The following ZNF264 variants were observed in gnomAD, a reference collection of about 807,000 sequenced individuals.
ZNF264 encodes zinc finger protein 264.
In ZNF264, 11 loss-of-function variants were observed where a neutral mutation model predicts 11.2. The ratio of observed to expected loss-of-function variants is 0.98; its 90% CI spans 0.62 to 1.63. The LOEUF is 1.63. ZNF264 is among the 40% of genes most tolerant of loss of function. ZNF264 has a pLI of 0.00. For missense variants in ZNF264, 752 were observed against 768.1 expected (o/e 0.98, Z 0.25); for synonymous variants, 309 against 279.8 (o/e 1.10, Z -1.04).
At chr19:57,201,340 G>T (rs2087251989) in intron 2 of ZNF264, among the ~76,000 whole-genome samples, 1 of 151,926 alleles carries the variant, frequency 6.6e-6, no homozygotes, top group African/African-American at 2.4e-5. Context: ...GAGGTTTGAT[G>T]CCTCCAGGCA....
In ZNF264 at chr19:57,222,250, G is replaced by A. The variant is rs2058081; in HGVS notation, c.*9269G>A. On this transcript the variant is annotated 3_prime_UTR_variant, in exon 4 of 4. Transcript: ENST00000263095. Reference sequence around the variant, plus strand: ...TAGTCCTAGCTACTTGGGAGGCTGAGGCAGGAAAATCGCTTGAACCTGGGA... The same window carrying A: ...TAGTCCTAGCTACTTGGGAGGCTGAAGCAGGAAAATCGCTTGAACCTGGGA... The A allele has an allele frequency of 0.33, 50,091 of 150,842 alleles. 8,898 individuals are homozygous for A. Among genetic ancestry groups the A allele is most frequent in the African/African-American group, 0.46 (18,747 of 40,910 alleles). 9.3% of individuals were successfully genotyped at this position (150,842 alleles called of 1,614,324 possible).
rs757072233 is a variant in ZNF264, at chr19:57,203,195, G to T, written c.161-2202G>T. On this transcript the variant is annotated intron_variant, in intron 2 of 3. Transcript: ENST00000263095. ...TTGAGTAATTTCAGTGAGGTTTGGG[G>T]CATAGGGACTATCTCTAGTTGTCTG... Among the ~76,000 whole-genome samples, 11 of 152,280 alleles carry T rather than the reference G, an allele frequency of 7.2e-5. No homozygotes were observed. The South Asian group carries it at 8.3e-4, about 11-fold the overall frequency.
In ZNF264 at chr19:57,212,961, C is replaced by T; in HGVS notation, c.1864C>T (p.Pro622Ser). 1 of 1,609,652 alleles carries T rather than the reference C, an allele frequency of 6.2e-7. No homozygotes were observed. Among genetic ancestry groups the T allele is most frequent in the Non-Finnish European group, 8.5e-7 (1 of 1,176,952 alleles). The change falls in exon 4 of 4, where the codon CCA (proline) becomes TCA (serine). Residue 622 changes from proline (P) to serine (S), a missense_variant. Coordinates refer to ENST00000263095, the MANE Select transcript of ZNF264 (RefSeq NM_003417.5). ...TGATCAACCATACCAAAGAGAAACC[C>T]CACAAGTGTCTTCACTGTGAGAAAA... Reference protein sequence around the residue: ...ASDQPYQRETPQVSSL With the variant: ...ASDQPYQRETSQVSSL
At position 57,219,537 on chromosome 19, in the gene ZNF264, A is replaced by G. The variant is rs982599657; in HGVS notation, c.*6556A>G. ...GGACAGCTACAGGAGGGCTTCCATC[A>G]TTTGTCCTCTTACTTCCTTGTTAGA... On this transcript the variant is annotated 3_prime_UTR_variant, in exon 4 of 4. Coordinates refer to ENST00000263095, the MANE Select transcript of ZNF264 (RefSeq NM_003417.5). The G allele has an allele frequency of 6.6e-6, 1 of 152,100 alleles. No individual in the cohort carries two copies. The highest frequency in any genetic ancestry group is 2.4e-5 in the African/African-American group (1 of 41,352). 9.4% of individuals were successfully genotyped at this position (152,100 alleles called of 1,614,324 possible).
chr19:57,212,882 G>A lies in ZNF264; in HGVS notation c.1785G>A (p.Leu595=), dbSNP rs1462723262. 1 of 1,614,182 alleles carries A rather than the reference G, an allele frequency of 6.2e-7. No homozygotes were observed. Among genetic ancestry groups the A allele is most frequent in the South Asian group, 1.1e-5 (1 of 91,074 alleles). The change falls in exon 4 of 4, where the codon TTG becomes TTA. Residue 595 remains leucine (L), a synonymous_variant. Coordinates refer to ENST00000263095, the MANE Select transcript of ZNF264 (RefSeq NM_003417.5). ...LRELLLGKDF[L]NVTTEANILP... ...AACTTCTTTTAGGGAAGGACTTTTT[G>A]AATGTAACCACTGAGGCAAATATTT...
intron 1 of ZNF264, chr19:57,192,639 TC>T (rs1161177798): frequency 2.2e-6 from 2 of 922,020 alleles, no homozygotes; most frequent in Non-Finnish European, 2.6e-6. Context: ...GGGAAGCTGG[TC>T]TGGAGCCTGT....
chr19:57,193,406 AT>A, intron 1 of ZNF264: 1 of 641,810 alleles, frequency 1.6e-6, no homozygotes, highest in African/African-American at 2.0e-5. Flanking sequence ...GAGAAATGAA[AT>A]GCTGTCTTTG....
chr19:57,211,245 C>T, intron 3 of ZNF264, 109 bp from the exon 4 acceptor site: 3 of 1,116,020 alleles, frequency 2.7e-6, no homozygotes, highest in East Asian at 2.6e-5. Context: ...CAGAAAATAG[C>T]AACACAGAGG....
At chr19:57,210,801 A>G (rs916966934) in intron 3 of ZNF264, among the ~76,000 whole-genome samples, 3 of 152,198 alleles carry the variant, frequency 2.0e-5, no homozygotes, top group Non-Finnish European at 2.9e-5. Context: ...TAAACTGTGG[A>G]GGACTCCATA....
At chr19:57,194,733 C>T (rs2122733628) in intron 2 of ZNF264, 1 of 399,480 alleles carries the variant, frequency 2.5e-6, no homozygotes, top group East Asian at 3.6e-5. Flanking sequence ...CTGCCTTTCC[C>T]AGCCCACTGA....
At position 57,200,304 on chromosome 19, in the gene ZNF264, T is replaced by C. The variant is rs569526914; in HGVS notation, c.161-5093T>C. Among the ~76,000 whole-genome samples the C allele has an allele frequency of 4.6e-5, 7 of 151,878 alleles. 1 individual carries two copies. Among genetic ancestry groups the C allele is most frequent in the Admixed American group, 1.3e-4 (2 of 15,274 alleles). Reference sequence around the variant, plus strand: ...AGAACCCTGATGAAGCTGGGGACACTGAGCTTGTAAACTCTGATGAACCTT... The same window carrying C: ...AGAACCCTGATGAAGCTGGGGACACCGAGCTTGTAAACTCTGATGAACCTT... On this transcript the variant is annotated intron_variant, in intron 2 of 3. Coordinates refer to ENST00000263095, the MANE Select transcript of ZNF264 (RefSeq NM_003417.5).
At chr19:57,211,206 A>G in intron 3 of ZNF264, 148 bp from the exon 4 acceptor site, 1 of 834,246 alleles carries the variant, frequency 1.2e-6, no homozygotes, top group Non-Finnish European at 1.8e-6. Context: ...CAGGATAGAA[A>G]GAAATTGCAA....
chr19:57,220,011 G>A lies in ZNF264; in HGVS notation c.*7030G>A, dbSNP rs2087406132. The A allele has an allele frequency of 1.3e-5, 2 of 152,250 alleles. No individual in the cohort carries two copies. The highest frequency in any genetic ancestry group is 4.8e-5 in the African/African-American group (2 of 41,478). The allele number at this position is 152,250 out of a possible 1,614,324, so 9.4% of individuals were successfully genotyped here. The stretch of plus-strand genomic sequence containing the variant: ...TGCATCAGCTCTTTCAACATTTACA[G>A]CATCTGTGTGTGGTAGGTAATGTTG... On this transcript the variant is annotated 3_prime_UTR_variant, in exon 4 of 4. Transcript: ENST00000263095.
At chr19:57,194,904 GTAT>G (rs2087201197) in intron 2 of ZNF264, 3 of 399,474 alleles carry the variant, frequency 7.5e-6, no homozygotes, top group Admixed American at 4.4e-5. Flanking sequence ...CTGGTGGGAA[GTAT>G]TATTGTATTG....
At position 57,211,455 on chromosome 19, in the gene ZNF264, G is replaced by T; in HGVS notation, c.358G>T (p.Asp120Tyr). Residue 120 changes from aspartate to tyrosine, a missense_variant, in exon 4 of 4, where the codon GAC becomes TAC. Asp to Tyr is a radical substitution (Grantham distance 160). Coordinates refer to ENST00000263095, the MANE Select transcript of ZNF264 (RefSeq NM_003417.5). ...QGQVTQGNSV[D>Y]SQLGQAEDQD... ...ACAAGTGACACAAGGAAACTCAGTG[G>T]ACTCACAGTTGGGGCAAGCCGAGGA... 2 of 1,614,144 alleles carry T rather than the reference G, an allele frequency of 1.2e-6. No individual in the cohort carries two copies. The highest frequency in any genetic ancestry group is 1.7e-6 in the Non-Finnish European group (2 of 1,180,032).
At chr19:57,201,000 A>G (rs1185910542) in intron 2 of ZNF264, among the ~76,000 whole-genome samples, 1 of 151,938 alleles carries the variant, frequency 6.6e-6, no homozygotes, top group Non-Finnish European at 1.5e-5. Flanking sequence ...AAACATTAGT[A>G]TATAAATGCT....
intron 2 of ZNF264, among the ~76,000 whole-genome samples, chr19:57,200,338 T>A (rs2087242318): frequency 6.6e-6 from 1 of 150,904 alleles, no homozygotes; most frequent in Non-Finnish European, 1.5e-5. Flanking sequence ...TTTTTTGCCA[T>A]CCCCCAAATG....
At chr19:57,203,096 G>C (rs2087265463) in intron 2 of ZNF264, among the ~76,000 whole-genome samples, 1 of 151,978 alleles carries the variant, frequency 6.6e-6, no homozygotes, top group Admixed American at 6.6e-5. Flanking sequence ...TGATTAGAGA[G>C]AGTTTTCCCT....
intron 1 of ZNF264, 98 bp from the exon 2 acceptor site, chr19:57,193,777 A>G: frequency 6.6e-7 from 1 of 1,517,018 alleles, no homozygotes; most frequent in Non-Finnish European, 8.9e-7. Flanking sequence ...TCTGTGATTC[A>G]GGCCGCCATC....
Sources: allele counts gnomAD v4.1 joint callset (sites outside exome capture counted in the v4.1 genomes callset), GRCh38; gene constraint gnomAD v4.1.1; transcripts MANE v1.5; gene names NCBI Gene and HGNC (gene_info 2026-07-23, HGNC 2026-07-21).